Variants in DNAJC6 observed in about 807,000 individuals in gnomAD.
The protein encoded by DNAJC6 is auxilin.
A neutral mutation model predicts 110.0 loss-of-function variants in DNAJC6; 34 were observed. The observed-to-expected ratio is 0.31, with a 90% CI of 0.24 to 0.41. DNAJC6 has a LOEUF of 0.41. Among genes scored for constraint, DNAJC6 ranks in the 10% least tolerant of loss-of-function variants. DNAJC6 has a pLI of 1.00. For synonymous variants in DNAJC6, 406 were observed against 437.2 expected (o/e 0.93, Z 0.89); for missense variants, 1,031 against 1,207.8 (o/e 0.85, Z 2.17).
At chr1:65,375,901 T>C (rs1482492089) in intron 4 of DNAJC6, among the ~76,000 whole-genome samples, 1 of 152,260 alleles carries the variant, frequency 6.6e-6, no homozygotes, top group African/African-American at 2.4e-5. Flanking sequence ...GCTGGCTTTG[T>C]AGAATGAGTT....
chr1:65,364,727 G>T lies in DNAJC6; in HGVS notation c.286G>T (p.Asp96Tyr). ...GAGRLFSNLK[D>Y]NLKDTLKDTS... ...AGGGAGGCTCTTTAGTAACCTAAAG[G>T]ACAACTTGAAAGACACCCTCAAAGA... The change falls in exon 2 of 19, where the codon GAC (aspartate) becomes TAC (tyrosine). Residue 96 changes from aspartate to tyrosine, a missense_variant. Transcript: ENST00000371069. 1 of 1,613,276 alleles carries T rather than the reference G, an allele frequency of 6.2e-7. No homozygotes were observed. The highest frequency in any genetic ancestry group is 8.5e-7 in the Non-Finnish European group (1 of 1,179,598).
In DNAJC6 at chr1:65,386,915, C is replaced by T. The variant is rs755390221; in HGVS notation, c.1099C>T (p.Arg367Trp). Reference sequence around the variant, plus strand: ...TCACTTGAGGTCAACCATTGGGAGCCGGCTACAGGCTAAGGTATGGTTTTT... The same window carrying T: ...TCACTTGAGGTCAACCATTGGGAGCTGGCTACAGGCTAAGGTATGGTTTTT... Reference protein sequence around the residue: ...MYHLRSTIGSRLQAKVTNTQI... With the variant: ...MYHLRSTIGSWLQAKVTNTQI... Residue 367 changes from arginine (R) to tryptophan (W), a missense_variant, in exon 8 of 19, where the codon CGG becomes TGG. Arg to Trp is a moderately radical substitution (Grantham distance 101). Coordinates refer to ENST00000371069, the MANE Select transcript of DNAJC6 (RefSeq NM_001256864.2). 1.8e-5 allele frequency: 29 copies of T among 1,613,726 alleles called. No individual in the cohort carries two copies. Among genetic ancestry groups the T allele is most frequent in the Non-Finnish European group, 2.4e-5 (28 of 1,179,776 alleles).
chr1:65,298,333 G>A (rs983395316), intron 1 of DNAJC6, among the ~76,000 whole-genome samples: 5 of 152,072 alleles, frequency 3.3e-5, no homozygotes, highest in Non-Finnish European at 7.4e-5. Flanking sequence ...GGTGAGGTGA[G>A]GACAAGAAGC....
At position 65,392,793 on chromosome 1, in the gene DNAJC6, G is replaced by A. The variant is rs1015326337; in HGVS notation, c.1831G>A (p.Ala611Thr). 6.2e-6 allele frequency: 10 copies of A among 1,602,206 alleles called. No individual in the cohort carries two copies. The highest frequency in any genetic ancestry group is 8.5e-6 in the Non-Finnish European group (10 of 1,174,750). The change falls in exon 12 of 19, where the codon GCG becomes ACG. Residue 611 changes from alanine to threonine, a missense_variant. Coordinates refer to ENST00000371069, the MANE Select transcript of DNAJC6 (RefSeq NM_001256864.2). ...AGATGTGTTTCATCCTAGTGGACCT[G>A]CGTCTACCCAGTCAACACCACGCCG... The part of the protein sequence containing the change: ...VEDVFHPSGP[A>T]STQSTPRRSA...
intron 1 of DNAJC6, among the ~76,000 whole-genome samples, chr1:65,280,228 T>A (rs1653802501): frequency 6.6e-6 from 1 of 152,216 alleles, no homozygotes; most frequent in Admixed American, 6.5e-5. Flanking sequence ...ACATTCATTG[T>A]CCCGTCTCTT....
intron 1 of DNAJC6, among the ~76,000 whole-genome samples, chr1:65,350,625 C>A (rs1011256649): frequency 6.6e-6 from 1 of 152,036 alleles, no homozygotes; most frequent in Non-Finnish European, 1.5e-5. Context: ...GTTAAATTAC[C>A]GACATATCCT....
intron 1 of DNAJC6, among the ~76,000 whole-genome samples, chr1:65,360,932 G>A (rs1645591293): frequency 6.6e-6 from 1 of 152,174 alleles, no homozygotes. Context: ...AGAGGTGGAG[G>A]AGAGCAGGGA....
At chr1:65,310,951 A>G (rs1645093649) in intron 1 of DNAJC6, among the ~76,000 whole-genome samples, 1 of 152,198 alleles carries the variant, frequency 6.6e-6, no homozygotes, top group Non-Finnish European at 1.5e-5. Flanking sequence ...AATGAAATCA[A>G]ACTGAATTTA....
intron 1 of DNAJC6, among the ~76,000 whole-genome samples, chr1:65,341,645 C>T (rs149368299): frequency 6.6e-5 from 10 of 152,226 alleles, no homozygotes; most frequent in African/African-American, 2.4e-4. Flanking sequence ...AGATGGAAAG[C>T]ATATTTACAG....
At chr1:65,355,135 A>G (rs1460978827) in intron 1 of DNAJC6, among the ~76,000 whole-genome samples, 1 of 151,812 alleles carries the variant, frequency 6.6e-6, no homozygotes, top group Non-Finnish European at 1.5e-5. Flanking sequence ...CATGGGTGCA[A>G]CCCTGTAGTC....
chr1:65,379,573 T>G, intron 5 of DNAJC6, 49 bp downstream of exon 5: 1 of 1,608,768 alleles, frequency 6.2e-7, no homozygotes, highest in Non-Finnish European at 8.5e-7. Context: ...TGGTCAAATA[T>G]GGATGAGCCT....
chr1:65,339,656 C>G (rs940314498), intron 1 of DNAJC6, among the ~76,000 whole-genome samples: 5 of 152,130 alleles, frequency 3.3e-5, no homozygotes, highest in Non-Finnish European at 5.9e-5. Context: ...ATCTTGCCTT[C>G]TAGGAGTTTG....
intron 6 of DNAJC6, among the ~76,000 whole-genome samples, chr1:65,384,710 C>T (rs1447167197): frequency 6.6e-6 from 1 of 152,118 alleles, no homozygotes; most frequent in African/African-American, 2.4e-5. Context: ...TCAATTACCT[C>T]CCACCGGATC....
chr1:65,388,069 G>A (rs1645889263), intron 8 of DNAJC6, among the ~76,000 whole-genome samples: 1 of 152,184 alleles, frequency 6.6e-6, no homozygotes, highest in African/African-American at 2.4e-5. Context: ...CTGGGTAGAA[G>A]GAATGCAATG....
chr1:65,329,866 C>T (rs1024427808), intron 1 of DNAJC6, among the ~76,000 whole-genome samples: 1 of 152,120 alleles, frequency 6.6e-6, no homozygotes, highest in Admixed American at 6.5e-5. Context: ...TATTGATGTT[C>T]AGTGGAAATC....
chr1:65,266,278 GA>G (rs5774747), intron 1 of DNAJC6, among the ~76,000 whole-genome samples: 1 of 149,560 alleles, frequency 6.7e-6, no homozygotes, highest in Non-Finnish European at 1.5e-5. Flanking sequence ...GAAAAAGAAG[GA>G]AAAAAAAACC....
chr1:65,382,148 T>C (rs1428686915), intron 5 of DNAJC6, among the ~76,000 whole-genome samples: 1 of 152,216 alleles, frequency 6.6e-6, no homozygotes, highest in Non-Finnish European at 1.5e-5. Flanking sequence ...CAGAAGATTT[T>C]AAACTCTTAG....
At chr1:65,387,016 C>G in intron 8 of DNAJC6, 87 bp downstream of exon 8, 1 of 1,077,684 alleles carries the variant, frequency 9.3e-7, no homozygotes, top group South Asian at 1.3e-5. Flanking sequence ...TCACTTTGGG[C>G]TTGAGTCACT....
intron 13 of DNAJC6, among the ~76,000 whole-genome samples, chr1:65,396,244 G>A (rs1645975982): frequency 6.6e-6 from 1 of 152,154 alleles, no homozygotes; most frequent in Non-Finnish European, 1.5e-5. Context: ...CTGATTGGAT[G>A]TTGACTACCT....
Sources: allele counts gnomAD v4.1 joint callset (sites outside exome capture counted in the v4.1 genomes callset), GRCh38; gene constraint gnomAD v4.1.1; transcripts MANE v1.5; gene names NCBI Gene and HGNC (gene_info 2026-07-23, HGNC 2026-07-21).